The following LUZP2 variants were observed in gnomAD, a reference collection of about 807,000 sequenced individuals.
LUZP2 encodes the protein leucine zipper protein 2.
Under a neutral mutation model 51.6 loss-of-function variants are expected in LUZP2, and 52 were observed. That is an observed-to-expected ratio of 1.01 (90% CI 0.81 to 1.27). The LOEUF is 1.27. LUZP2 is among the 50% of genes most tolerant of loss of function. The pLI is 0.00. For synonymous variants in LUZP2, 154 were observed against 137.3 expected, an observed-to-expected ratio of 1.12 and a Z score of -0.85; for missense variants, 436 against 395.4, an observed-to-expected ratio of 1.10 and a Z score of -0.87.
chr11:24,759,997 A>G (rs1859923508), intron 4 of LUZP2, among the ~76,000 whole-genome samples: 1 of 152,122 alleles, frequency 6.6e-6, no homozygotes, highest in Non-Finnish European at 1.5e-5. Flanking sequence ...TACATGTAAG[A>G]TGTACATTGG....
At chr11:24,994,775 T>G (rs1287970021) in intron 9 of LUZP2, among the ~76,000 whole-genome samples, 1 of 152,184 alleles carries the variant, frequency 6.6e-6, no homozygotes, top group Non-Finnish European at 1.5e-5. Context: ...GGGTGGTAAT[T>G]TAATCTTTAA....
intron 10 of LUZP2, among the ~76,000 whole-genome samples, chr11:25,052,024 C>T (rs981836518): frequency 1.3e-5 from 2 of 152,120 alleles, no homozygotes; most frequent in African/African-American, 4.8e-5. Flanking sequence ...TTTCTGGTCT[C>T]AGTCTGGACC....
At chr11:24,859,598 G>A (rs1030152570) in intron 5 of LUZP2, among the ~76,000 whole-genome samples, 3 of 152,066 alleles carry the variant, frequency 2.0e-5, no homozygotes, top group Non-Finnish European at 2.9e-5. Flanking sequence ...GGCTTCCATC[G>A]AAAAAACCAT....
intron 1 of LUZP2, among the ~76,000 whole-genome samples, chr11:24,562,077 C>T (rs1376181267): frequency 4.0e-5 from 6 of 151,678 alleles, no homozygotes; most frequent in Non-Finnish European, 4.4e-5. Context: ...GAACGTTAGG[C>T]GATGAGGATT....
chr11:24,828,859 A>C (rs191990325), intron 5 of LUZP2, among the ~76,000 whole-genome samples: 1 of 152,332 alleles, frequency 6.6e-6, no homozygotes, highest in African/African-American at 2.4e-5. Context: ...TACAGTTTTA[A>C]CTTAGGATTT....
At position 24,859,667 on chromosome 11, in the gene LUZP2, G is replaced by A. The variant is rs754511878; in HGVS notation, c.397-46324G>A. On this transcript the variant is annotated intron_variant, in intron 5 of 11. Transcript: ENST00000336930. ...GTATCCAGATTCTGTCATCAAAATG[G>A]ACTAGAAGGCTGGCATGACCCACGG... is the stretch of plus-strand genomic sequence containing the variant. 3.9e-4 allele frequency among the ~76,000 whole-genome samples: 60 copies of A among 152,194 alleles called. 1 individual carries two copies. The highest frequency in any genetic ancestry group is 8.7e-4 in the Non-Finnish European group (59 of 68,024).
chr11:25,008,668 G>T (rs1159115891), intron 9 of LUZP2, among the ~76,000 whole-genome samples: 1 of 152,174 alleles, frequency 6.6e-6, no homozygotes, highest in African/African-American at 2.4e-5. Flanking sequence ...GGACAAAGAA[G>T]AATGAGGTTA....
intron 5 of LUZP2, among the ~76,000 whole-genome samples, chr11:24,855,990 A>C (rs189738773): frequency 3.3e-5 from 5 of 152,244 alleles, no homozygotes; most frequent in African/African-American, 1.2e-4. Context: ...AAAACCTGTA[A>C]CTATTAAAAT....
intron 5 of LUZP2, among the ~76,000 whole-genome samples, chr11:24,855,431 A>G (rs534668439): frequency 7.9e-5 from 12 of 152,312 alleles, no homozygotes; most frequent in Middle Eastern, 3.4e-3. Flanking sequence ...ATATCTCCGT[A>G]AGGAAACTAC....
At chr11:24,887,728 T>C (rs1852718044) in intron 5 of LUZP2, among the ~76,000 whole-genome samples, 1 of 152,216 alleles carries the variant, frequency 6.6e-6, no homozygotes, top group Admixed American at 6.5e-5. Context: ...CTCTCTTTAG[T>C]ACAGGATATA....
chr11:24,499,121 T>C lies in LUZP2; in HGVS notation c.62+1816T>C, dbSNP rs953117578. On this transcript the variant is annotated intron_variant, in intron 1 of 11. Coordinates refer to ENST00000336930, the MANE Select transcript of LUZP2 (RefSeq NM_001009909.4). ...TACAACAAAAACTGGAATAATCATC[T>C]ATTTCACTTTAGCTTTGAAACTTCT... Among the ~76,000 whole-genome samples the C allele has an allele frequency of 4.2e-4, 64 of 152,202 alleles. 1 individual carries two copies. The highest frequency in any genetic ancestry group is 1.4e-3 in the African/African-American group (57 of 41,460).
At chr11:24,583,727 G>A (rs868115012) in intron 1 of LUZP2, among the ~76,000 whole-genome samples, 10 of 146,002 alleles carry the variant, frequency 6.8e-5, no homozygotes, top group Non-Finnish European at 1.2e-4. Context: ...TTTTTGAGAT[G>A]GAGTCTCGCT....
In LUZP2 at chr11:25,080,252, T is replaced by G. The variant is rs768475039; in HGVS notation, c.*1594T>G. ...ACATGGTCCATGAAATATTCAACAC[T>G]TTATTATAAAATAGGGTTTGTGTTA... On this transcript the variant is annotated 3_prime_UTR_variant, in exon 12 of 12. Transcript: ENST00000336930. 2 of 152,152 alleles carry G rather than the reference T, an allele frequency of 1.3e-5. No homozygotes were observed. The highest frequency in any genetic ancestry group is 2.9e-5 in the Non-Finnish European group (2 of 68,016). The allele number at this position is 152,152 out of a possible 1,614,324, so 9.4% of individuals were successfully genotyped here.
At chr11:24,600,637 A>G (rs1853600741) in intron 1 of LUZP2, among the ~76,000 whole-genome samples, 2 of 152,072 alleles carry the variant, frequency 1.3e-5, no homozygotes, top group Non-Finnish European at 2.9e-5. Context: ...AACTTAGCTC[A>G]CTTCTGTTCA....
At chr11:24,632,930 T>C (rs1326390712) in intron 1 of LUZP2, among the ~76,000 whole-genome samples, 1 of 151,984 alleles carries the variant, frequency 6.6e-6, no homozygotes, top group Non-Finnish European at 1.5e-5. Context: ...TATTAAGAAA[T>C]GATATGTACT....
intron 5 of LUZP2, among the ~76,000 whole-genome samples, chr11:24,851,021 A>T (rs1851378598): frequency 6.6e-6 from 1 of 152,184 alleles, no homozygotes; most frequent in Non-Finnish European, 1.5e-5. Context: ...GACTGAGATA[A>T]TGGGGTTGTC....
intron 1 of LUZP2, among the ~76,000 whole-genome samples, chr11:24,618,187 G>A (rs532447694): frequency 3.3e-5 from 5 of 152,096 alleles, no homozygotes; most frequent in South Asian, 4.1e-4. Context: ...TGAAAGTCCC[G>A]AATCTCCACT....
At chr11:24,537,630 CT>C (rs1851218916) in intron 1 of LUZP2, among the ~76,000 whole-genome samples, 1 of 127,544 alleles carries the variant, frequency 7.8e-6, no homozygotes, top group Admixed American at 8.8e-5. Context: ...TTTTTTATAG[CT>C]TTTTACCACT....
intron 1 of LUZP2, among the ~76,000 whole-genome samples, chr11:24,537,608 A>G (rs1175754797): frequency 2.7e-5 from 4 of 150,804 alleles, no homozygotes; most frequent in Non-Finnish European, 5.9e-5. Flanking sequence ...ACAGGGACTA[A>G]TAGAGGCCCC....
Sources: gnomAD v4.1 joint callset for allele counts (sites outside exome capture counted in the v4.1 genomes callset) on GRCh38, gnomAD v4.1.1 for gene constraint, MANE v1.5 for transcripts, NCBI Gene and HGNC (gene_info 2026-07-23, HGNC 2026-07-21) for gene names.